The following KIAA0513 variants were observed in gnomAD, a reference collection of about 807,000 sequenced individuals.
KIAA0513 encodes KIAA0513.
In KIAA0513, 39 loss-of-function variants were observed where a neutral mutation model predicts 56.5. The observed-to-expected ratio is 0.69, with a 90% CI of 0.53 to 0.90. The LOEUF (loss-of-function observed/expected upper bound fraction) is 0.90. KIAA0513 is among the 40% of genes least tolerant of loss of function. The pLI, the probability that KIAA0513 is intolerant of heterozygous loss-of-function variation, is 0.00. For synonymous variants in KIAA0513, 268 were observed against 215.6 expected (o/e 1.24, Z -2.13); for missense variants, 591 against 535.2 (o/e 1.10, Z -1.03).
At chr16:85,080,402 G>A (rs1163235195) in intron 8 of KIAA0513, among the ~76,000 whole-genome samples, 1 of 152,204 alleles carries the variant, frequency 6.6e-6, no homozygotes, top group Non-Finnish European at 1.5e-5. Context: ...ATAAATGGAT[G>A]AGCGTGGCTT....
At chr16:85,035,241 G>A (rs1473444446) in intron 1 of KIAA0513, among the ~76,000 whole-genome samples, 1 of 152,130 alleles carries the variant, frequency 6.6e-6, no homozygotes, top group African/African-American at 2.4e-5. Flanking sequence ...GAGCAGGTCA[G>A]AAGTGGCTCT....
At chr16:85,036,833 A>G (rs772021522) in intron 1 of KIAA0513, among the ~76,000 whole-genome samples, 1 of 152,162 alleles carries the variant, frequency 6.6e-6, no homozygotes, top group African/African-American at 2.4e-5. Flanking sequence ...GTAACACGGG[A>G]TCTTCATAGC....
chr16:85,068,614 G>A (rs2073525549), intron 2 of KIAA0513, among the ~76,000 whole-genome samples: 1 of 152,070 alleles, frequency 6.6e-6, no homozygotes, highest in South Asian at 2.1e-4. Context: ...TTACAGGTGT[G>A]AGCCACCACG....
Position 85,093,853 on chromosome 16 carries a change from T to A in KIAA0513, c.*5528T>A, listed in dbSNP as rs1431030990. On this transcript the variant is annotated 3_prime_UTR_variant, in exon 13 of 13. Transcript: ENST00000683363. ...CATGGATCCCCTTAAAACATGTAAA[T>A]GTGTCAGAACACGGTTGACCTGCCG... 1.3e-5 allele frequency: 2 copies of A among 152,246 alleles called. No homozygotes were observed. Among genetic ancestry groups the A allele is most frequent in the African/African-American group, 4.8e-5 (2 of 41,452 alleles). 9.4% of individuals were successfully genotyped at this position (152,246 alleles called of 1,614,324 possible). A position where few individuals can be genotyped will look rare whatever the true frequency, so the allele number is the denominator to read the frequency against.
chr16:85,086,239 T>G (rs938425022), intron 10 of KIAA0513, among the ~76,000 whole-genome samples: 1 of 152,208 alleles, frequency 6.6e-6, no homozygotes, highest in South Asian at 2.1e-4. Flanking sequence ...TCCTGGGACG[T>G]TGGGCAGGTC....
At chr16:85,066,192 G>A (rs541091997) in intron 1 of KIAA0513, among the ~76,000 whole-genome samples, 2 of 152,184 alleles carry the variant, frequency 1.3e-5, no homozygotes, top group Admixed American at 6.5e-5. Context: ...CTCAGAAGAC[G>A]TGGCCGAGGC....
At chr16:85,040,897 A>C (rs895094247) in intron 1 of KIAA0513, among the ~76,000 whole-genome samples, 9 of 152,230 alleles carry the variant, frequency 5.9e-5, no homozygotes, top group African/African-American at 2.2e-4. Context: ...ATACGCTTGA[A>C]GCAAAACAGC....
intron 5 of KIAA0513, among the ~76,000 whole-genome samples, chr16:85,077,036 C>A (rs1255680232): frequency 6.6e-6 from 1 of 152,136 alleles, no homozygotes; most frequent in Non-Finnish European, 1.5e-5. Flanking sequence ...CCCCCCCCAA[C>A]CCGGTGTCTC....
intron 1 of KIAA0513, among the ~76,000 whole-genome samples, chr16:85,028,150 A>G (rs1030449756): frequency 6.6e-6 from 1 of 152,238 alleles, no homozygotes; most frequent in Admixed American, 6.5e-5. Context: ...ACGCCCGTGA[A>G]TGAGTGCAAC....
intron 1 of KIAA0513, among the ~76,000 whole-genome samples, chr16:85,037,679 C>T (rs1026566319): frequency 6.6e-6 from 1 of 152,214 alleles, no homozygotes; most frequent in East Asian, 1.9e-4. Flanking sequence ...AACAACATCA[C>T]TCCTAGAATC....
In KIAA0513 at chr16:85,081,227, C is replaced by G. The variant is rs562596344; in HGVS notation, c.903-88C>G. On this transcript the variant is annotated intron_variant, in intron 8 of 12. Transcript: ENST00000683363. The surrounding 1 kb of genome is among the most constrained non-coding windows in gnomAD (Gnocchi z 4.4). ...TAGAAGCTCAGACAGATGTGAGACA[C>G]TGCCCTTGTTTATCCCTCAAGGGGC... The G allele has an allele frequency of 1.2e-5, 14 of 1,162,544 alleles. No individual in the cohort carries two copies. In the African/African-American group the frequency reaches 1.8e-4, roughly 15 times the overall value. 72.0% of individuals were successfully genotyped at this position (1,162,544 alleles called of 1,614,324 possible). A position where few individuals can be genotyped will look rare whatever the true frequency, so the allele number is the denominator to read the frequency against.
intron 1 of KIAA0513, among the ~76,000 whole-genome samples, chr16:85,066,341 G>A (rs555230642): frequency 3.3e-5 from 5 of 152,304 alleles, no homozygotes; most frequent in African/African-American, 4.8e-5. Context: ...GCTGGGAGAG[G>A]GGACAGGTCC....
chr16:85,078,545 GCCTCCA>G, intron 7 of KIAA0513, 90 bp downstream of exon 7: 1 of 1,284,554 alleles, frequency 7.8e-7, no homozygotes, highest in Non-Finnish European at 1.1e-6. Flanking sequence ...GGGCTTTCCT[GCCTCCA>G]CGGAGCATGG....
intron 1 of KIAA0513, among the ~76,000 whole-genome samples, chr16:85,059,177 G>C (rs2073369709): frequency 6.6e-6 from 1 of 152,172 alleles, no homozygotes. Flanking sequence ...GCTCAGATAG[G>C]GTGTCATCAA....
intron 1 of KIAA0513, among the ~76,000 whole-genome samples, chr16:85,050,616 G>A (rs555910282): frequency 5.3e-5 from 8 of 152,192 alleles, no homozygotes; most frequent in South Asian, 2.1e-4. Context: ...GTGCCCAGCC[G>A]AGCTGTTGAT....
At chr16:85,071,955 C>G in intron 3 of KIAA0513, 73 bp downstream of exon 3, 1 of 1,004,358 alleles carries the variant, frequency 1.0e-6, no homozygotes, top group African/African-American at 1.6e-5. Flanking sequence ...ACAAATTTGA[C>G]TTTATCCTAC....
chr16:85,080,478 G>C (rs2073727449), intron 8 of KIAA0513, among the ~76,000 whole-genome samples: 1 of 152,110 alleles, frequency 6.6e-6, no homozygotes, highest in African/African-American at 2.4e-5. Flanking sequence ...ACCATCGTTT[G>C]CCAACCCCTG....
chr16:85,045,952 C>T (rs779695375), intron 1 of KIAA0513, among the ~76,000 whole-genome samples: 25 of 152,110 alleles, frequency 1.6e-4, no homozygotes, highest in Non-Finnish European at 3.2e-4. Context: ...TGATGGCAGC[C>T]GACAATGTGC....
intron 10 of KIAA0513, among the ~76,000 whole-genome samples, chr16:85,084,674 C>T (rs550160152): frequency 6.6e-6 from 1 of 152,314 alleles, no homozygotes; most frequent in African/African-American, 2.4e-5. Context: ...GGTGGTCCAC[C>T]TGTCTCACCC....
Sources: allele counts gnomAD v4.1 joint callset (sites outside exome capture counted in the v4.1 genomes callset), GRCh38; gene constraint gnomAD v4.1.1; non-coding constraint Gnocchi (gnomAD v3.1); transcripts MANE v1.5; gene names NCBI Gene and HGNC (gene_info 2026-07-23, HGNC 2026-07-21).